CFH: variants seen among roughly 807,000 people sequenced by gnomAD.
CFH encodes complement factor H, also known as H factor 1 (complement).
Under a neutral mutation model 147.3 loss-of-function variants are expected in CFH, and 53 were observed. The observed-to-expected ratio is 0.36, with a 90% CI of 0.29 to 0.45. The LOEUF is 0.45. Ranked by LOEUF, CFH falls within the 20% of genes least tolerant of loss-of-function variation. The pLI is 1.00. For missense variants in CFH, 1,380 were observed against 1,498.0 expected, an observed-to-expected ratio of 0.92 and a Z score of 1.30; for synonymous variants, 536 against 489.4, an observed-to-expected ratio of 1.10 and a Z score of -1.26.
At chr1:196,727,244 A>G (rs1177819411) in intron 14 of CFH, among the ~76,000 whole-genome samples, 14 of 152,290 alleles carry the variant, frequency 9.2e-5, no homozygotes, top group Admixed American at 8.5e-4. Context: ...GCTCACGCCT[A>G]TAACCTCAAC....
At chr1:196,673,198 A>G (rs1306734275) in intron 2 of CFH, 35 bp downstream of exon 2, 2 of 1,555,462 alleles carry the variant, frequency 1.3e-6, no homozygotes, top group Non-Finnish European at 1.8e-6. Context: ...ATTTATGAAA[A>G]CTAGGTGTAA....
chr1:196,713,640 A>G, intron 9 of CFH, 95 bp from the exon 10 acceptor site: 1 of 837,106 alleles, frequency 1.2e-6, no homozygotes, highest in South Asian at 1.7e-5. Context: ...TCAGTTACAA[A>G]TGACTCATTA....
rs753686578 is a variant in CFH, at chr1:196,657,142, C to T, written c.58+4967C>T. 3.4e-4 allele frequency among the ~76,000 whole-genome samples: 51 copies of T among 152,046 alleles called. No individual in the cohort carries two copies. The Middle Eastern group carries it at 0.014, about 41-fold the overall frequency. ...ACACCTAGCTAAATTTTTTTCTTTTCTTTTTTCTTTTTCTTTCTCAAATGC... is the reference window on the plus strand; with the variant it reads ...ACACCTAGCTAAATTTTTTTCTTTTTTTTTTTCTTTTTCTTTCTCAAATGC... On this transcript the variant is annotated intron_variant, in intron 1 of 21. Transcript: ENST00000367429.
Position 196,676,070 on chromosome 1 carries a change from A to T in CFH, c.427+5A>T. 1 of 1,552,376 alleles carries T rather than the reference A, an allele frequency of 6.4e-7. No homozygotes were observed. ...ATGATATTCCTATATGTGAAGGTAG[A>T]CATAAAATGTATTTACAAGTATATT... On this transcript the variant is annotated splice_donor_5th_base_variant and intron_variant, in intron 4 of 21. Transcript: ENST00000367429.
chr1:196,737,781 A>G (rs1652618417), intron 17 of CFH, 121 bp downstream of exon 17: 1 of 694,662 alleles, frequency 1.4e-6, no homozygotes. Flanking sequence ...TATATATTAT[A>G]CCATTAAAAT....
At chr1:196,721,150 TTA>T (rs200547273) in intron 11 of CFH, among the ~76,000 whole-genome samples, 2,030 of 146,960 alleles carry the variant, frequency 0.014, 18 homozygotes, top group Non-Finnish European at 0.022. Flanking sequence ...CATGGGATTA[TTA>T]TTTTTTTTTC....
At chr1:196,709,709 G>T (rs1668679461) in intron 9 of CFH, among the ~76,000 whole-genome samples, 1 of 151,828 alleles carries the variant, frequency 6.6e-6, no homozygotes, top group African/African-American at 2.4e-5. Flanking sequence ...AGACATTTTG[G>T]TCCTTTTCCT....
chr1:196,668,882 G>C (rs1667184996), intron 1 of CFH, among the ~76,000 whole-genome samples: 1 of 152,152 alleles, frequency 6.6e-6, no homozygotes, highest in Non-Finnish European at 1.5e-5. Flanking sequence ...CTATTATAAA[G>C]ATACCTCAAA....
At chr1:196,714,699 A>AGAGAGAGAGG (rs1668822734) in intron 10 of CFH, among the ~76,000 whole-genome samples, 9 of 121,256 alleles carry the variant, frequency 7.4e-5, no homozygotes, top group South Asian at 3.2e-4. Context: ...AGAGAGAGAG[A>AGAGAGAGAGG]GAGAGAGAGA....
chr1:196,654,929 T>G (rs1666634530), intron 1 of CFH, among the ~76,000 whole-genome samples: 1 of 152,124 alleles, frequency 6.6e-6, no homozygotes, highest in Non-Finnish European at 1.5e-5. Context: ...ACCCCCATAT[T>G]TTCAGAGATA....
At position 196,713,881 on chromosome 1, in the gene CFH, G is replaced by A; in HGVS notation, c.1483G>A (p.Gly495Arg). 1 of 1,612,562 alleles carries A rather than the reference G, an allele frequency of 6.2e-7. No homozygotes were observed. The highest frequency in any genetic ancestry group is 8.5e-7 in the Non-Finnish European group (1 of 1,179,092). The change falls in exon 10 of 22, where the codon GGG (glycine) becomes AGG (arginine). Residue 495 changes from glycine (G) to arginine (R), a missense_variant. Physicochemically the swap from Gly to Arg is moderately radical, Grantham distance 125. Around this residue, in one of 4 missense-constraint regions of CFH, gnomAD observed 830 missense variants for 821.4 expected, o/e 1.01. Coordinates refer to ENST00000367429, the MANE Select transcript of CFH (RefSeq NM_000186.4). The part of the protein sequence containing the change: ...DGETSGSITC[G>R]KDGWSAQPTC... Reference sequence around the variant, plus strand: ...TGAAACATCAGGATCAATTACATGTGGGAAAGATGGATGGTCAGCTCAACC... The same window carrying A: ...TGAAACATCAGGATCAATTACATGTAGGAAAGATGGATGGTCAGCTCAACC...
At chr1:196,710,688 T>G (rs2149100621) in intron 9 of CFH, among the ~76,000 whole-genome samples, 1 of 152,312 alleles carries the variant, frequency 6.6e-6, no homozygotes, top group East Asian at 1.9e-4. Flanking sequence ...CAGATGAATC[T>G]GGGGAGAACT....
At chr1:196,726,965 C>G (rs1669157656) in intron 14 of CFH, 25 bp downstream of exon 14, 1 of 1,595,496 alleles carries the variant, frequency 6.3e-7, no homozygotes, top group Non-Finnish European at 8.6e-7. Context: ...CTTAAATCAA[C>G]ATTTAACAAA....
intron 1 of CFH, among the ~76,000 whole-genome samples, chr1:196,666,375 TTC>T (rs1236889925): frequency 6.6e-6 from 1 of 152,206 alleles, no homozygotes; most frequent in Non-Finnish European, 1.5e-5. Flanking sequence ...TTATATTTTT[TTC>T]TCTCTAATCA....
chr1:196,656,197 A>G (rs893482271), intron 1 of CFH, among the ~76,000 whole-genome samples: 5 of 151,840 alleles, frequency 3.3e-5, no homozygotes, highest in Non-Finnish European at 7.4e-5. Context: ...TCAGCTACTC[A>G]GGAGGCTGAG....
Position 196,689,552 on chromosome 1 carries a change from G to A in CFH, c.1097G>A (p.Gly366Glu), listed in dbSNP as rs767431440. ...YCDEHFETPS[G>E]SYWDHIHCTQ... ...GATGAACATTTTGAGACTCCGTCAG[G>A]AAGTTACTGGGATCACATTCATTGC... Residue 366 changes from glycine to glutamate, a missense_variant, in exon 8 of 22, where the codon GGA becomes GAA. Transcript: ENST00000367429. The A allele has an allele frequency of 3.0e-5, 49 of 1,613,402 alleles. No individual in the cohort carries two copies. In the East Asian group the frequency reaches 4.0e-4, roughly 13 times the overall value.
intron 1 of CFH, among the ~76,000 whole-genome samples, chr1:196,669,199 A>G (rs556983428): frequency 1.3e-5 from 2 of 152,278 alleles, no homozygotes; most frequent in East Asian, 3.9e-4. Context: ...TTGGTCTGAA[A>G]TTGGAACTTA....
In CFH at chr1:196,690,321, A is replaced by AT. The variant is rs1667982310; in HGVS notation, c.1336+84dup. Reference sequence around the variant, plus strand: ...GACATTCTAAGACTCATCTATATTAATTGTGGCAAAATGTTTATGTCACCT... The same window carrying AT: ...GACATTCTAAGACTCATCTATATTAATTTGTGGCAAAATGTTTATGTCACCT... On this transcript the variant is annotated intron_variant, in intron 9 of 21. Coordinates refer to ENST00000367429, the MANE Select transcript of CFH (RefSeq NM_000186.4). The AT allele has an allele frequency of 2.5e-6, 4 of 1,581,632 alleles. No individual in the cohort carries two copies. In the East Asian group the frequency reaches 9.0e-5, roughly 36 times the overall value.
intron 9 of CFH, among the ~76,000 whole-genome samples, chr1:196,709,837 C>T (rs1239102967): frequency 6.6e-6 from 1 of 152,018 alleles, no homozygotes; most frequent in Non-Finnish European, 1.5e-5. Context: ...GGCAAAACCT[C>T]ATTTTCACAA....
Sources: allele counts gnomAD v4.1 joint callset (sites outside exome capture counted in the v4.1 genomes callset), GRCh38; gene constraint gnomAD v4.1.1; regional missense constraint gnomAD v4.1.1; transcripts MANE v1.5; gene names NCBI Gene and HGNC (gene_info 2026-07-23, HGNC 2026-07-21).